Variants in USH2A observed in about 807,000 individuals in gnomAD.
USH2A encodes the protein usherin.
In USH2A, 443 loss-of-function variants were observed where a neutral mutation model predicts 538.9. The ratio of observed to expected loss-of-function variants is 0.82; its 90% CI spans 0.76 to 0.89. The LOEUF (loss-of-function observed/expected upper bound fraction) is 0.89, where lower values mean the gene tolerates loss of function less well. Ranked by LOEUF, USH2A falls within the 40% of genes least tolerant of loss-of-function variation. The probability of loss-of-function intolerance (pLI) is 0.00; values close to 1 mark genes in which losing one functional copy is unlikely to be tolerated. For synonymous variants in USH2A, 2,413 were observed against 2,273.5 expected (o/e 1.06, Z -1.75); for missense variants, 6,633 against 6,324.8 (o/e 1.05, Z -1.65).
At chr1:216,161,188 A>G (rs1000063181) in intron 21 of USH2A, among the ~76,000 whole-genome samples, 10 of 152,210 alleles carry the variant, frequency 6.6e-5, no homozygotes, top group Admixed American at 5.9e-4. Context: ...TAATGCAACT[A>G]CTGATATAGT....
At chr1:216,138,187 T>C (rs907632158) in intron 21 of USH2A, among the ~76,000 whole-genome samples, 1 of 152,124 alleles carries the variant, frequency 6.6e-6, no homozygotes, top group African/African-American at 2.4e-5. Context: ...GATAGACACA[T>C]CACTAATCTT....
rs576845275 is a variant in USH2A, at chr1:215,778,564, A to G, written c.10939+1279T>C. On this transcript the variant is annotated intron_variant, in intron 55 of 71. Transcript: ENST00000307340. The stretch of plus-strand genomic sequence containing the variant: ...TATTTTGCCACCCTGTGTAAGTGTA[A>G]CCTGTGTCCCTTCTTAGGAAAAATC... Among the ~76,000 whole-genome samples, 16 of 152,258 alleles carry G rather than the reference A, an allele frequency of 1.1e-4. No individual in the cohort carries two copies. In the South Asian group the frequency reaches 2.5e-3, roughly 24 times the overall value.
At chr1:216,335,382 A>G (rs1463312174) in intron 4 of USH2A, among the ~76,000 whole-genome samples, 1 of 151,558 alleles carries the variant, frequency 6.6e-6, no homozygotes, top group Admixed American at 6.6e-5. Flanking sequence ...AAGAAACTAG[A>G]AAAAGAAAAA....
chr1:216,080,237 A>G (rs2031894197), intron 26 of USH2A, among the ~76,000 whole-genome samples: 3 of 152,182 alleles, frequency 2.0e-5, no homozygotes. Context: ...TAGTGTCCTC[A>G]GCAAGACCAA....
At chr1:216,364,746 T>A (rs1157645513) in intron 4 of USH2A, among the ~76,000 whole-genome samples, 1 of 152,170 alleles carries the variant, frequency 6.6e-6, no homozygotes, top group Non-Finnish European at 1.5e-5. Flanking sequence ...CCAACACCAC[T>A]GAACCCTTAA....
intron 3 of USH2A, among the ~76,000 whole-genome samples, chr1:216,415,508 C>CTTTTTTTTTTTTTTTTTTTT (rs71161423): frequency 1.0e-5 from 1 of 96,908 alleles, no homozygotes; most frequent in African/African-American, 3.9e-5. Flanking sequence ...CTTCCTGTCA[C>CTTTTTTTTTTTTTTTTTTTT]TTTTTTTTTT....
chr1:216,376,833 G>A (rs1439471997), intron 3 of USH2A, among the ~76,000 whole-genome samples: 1 of 152,078 alleles, frequency 6.6e-6, no homozygotes, highest in Non-Finnish European at 1.5e-5. Context: ...ATCCTAAACA[G>A]TAATTTGTAA....
rs1571932866 is a variant in USH2A, at chr1:216,069,950, T to C, written c.6049+151A>G. 5 of 886,130 alleles carry C rather than the reference T, an allele frequency of 5.6e-6. No homozygotes were observed. In the East Asian group the frequency reaches 1.3e-4, roughly 24 times the overall value. 54.9% of individuals were successfully genotyped at this position (886,130 alleles called of 1,614,324 possible). Reference sequence around the variant, plus strand: ...TTTTTATCCTAGGTAGATGCAGGCTTCCACTACTTTAGATGGGTGTTGTTT... The same window carrying C: ...TTTTTATCCTAGGTAGATGCAGGCTCCCACTACTTTAGATGGGTGTTGTTT... On this transcript the variant is annotated intron_variant, in intron 30 of 71. Transcript: ENST00000307340.
At chr1:216,005,570 AT>A (rs946964924) in intron 32 of USH2A, among the ~76,000 whole-genome samples, 7 of 151,116 alleles carry the variant, frequency 4.6e-5, no homozygotes, top group African/African-American at 1.7e-4. Context: ...CCAGGCTGCC[AT>A]TTTTTTTTCT....
At chr1:215,810,998 A>G (rs1201993148) in intron 49 of USH2A, among the ~76,000 whole-genome samples, 4 of 152,216 alleles carry the variant, frequency 2.6e-5, no homozygotes, top group Admixed American at 6.5e-5. Context: ...AAACTTGAGC[A>G]GTATTTAATC....
chr1:215,998,830 G>A (rs1232808973), intron 34 of USH2A, 57 bp downstream of exon 34: 3 of 1,574,950 alleles, frequency 1.9e-6, no homozygotes, highest in Non-Finnish European at 2.6e-6. Context: ...TGGACCACGG[G>A]AAGGGGAGAA....
chr1:216,378,608 C>T (rs2038878186), intron 3 of USH2A, among the ~76,000 whole-genome samples: 1 of 152,110 alleles, frequency 6.6e-6, no homozygotes, highest in Non-Finnish European at 1.5e-5. Flanking sequence ...TAATCACTCA[C>T]AAACTTTGTT....
At chr1:216,396,519 A>G (rs116346766) in intron 3 of USH2A, among the ~76,000 whole-genome samples, 1,524 of 152,292 alleles carry the variant, frequency 0.01, 38 homozygotes, top group African/African-American at 0.035. Context: ...ATAAGCTTAC[A>G]CTAATTAATA....
intron 60 of USH2A, among the ~76,000 whole-genome samples, chr1:215,730,387 C>T (rs141007486): frequency 7.6e-4 from 116 of 152,300 alleles, no homozygotes; most frequent in African/African-American, 2.6e-3. Context: ...TCTCCATCAG[C>T]TCTTATTTCC....
chr1:215,647,134 A>G (rs1003274547), intron 67 of USH2A, among the ~76,000 whole-genome samples: 1 of 152,182 alleles, frequency 6.6e-6, no homozygotes, highest in Non-Finnish European at 1.5e-5. Context: ...TGCTTTTCCT[A>G]ATAGTGCTAT....
chr1:215,987,022 T>A (rs1485796535), intron 35 of USH2A, among the ~76,000 whole-genome samples: 1 of 152,166 alleles, frequency 6.6e-6, no homozygotes, highest in East Asian at 1.9e-4. Context: ...AAGATAAACA[T>A]TTTATATTCT....
chr1:216,078,513 C>T (rs1440838151), intron 26 of USH2A, 151 bp from the exon 27 acceptor site: 11 of 731,080 alleles, frequency 1.5e-5, no homozygotes, highest in Admixed American at 1.2e-4. Flanking sequence ...TAAGTTTCTG[C>T]TTAGGAACAT....
At chr1:216,236,085 C>A (rs1034041420) in intron 13 of USH2A, among the ~76,000 whole-genome samples, 1 of 152,058 alleles carries the variant, frequency 6.6e-6, no homozygotes, top group South Asian at 2.1e-4. Flanking sequence ...TACTTCTAGA[C>A]TTGATCAAGT....
Position 216,224,374 on chromosome 1 carries a change from T to A in USH2A, c.2994-6824A>T, listed in dbSNP as rs552162278. The stretch of plus-strand genomic sequence containing the variant: ...GTTTTTGGGTTAGACAAACACTATA[T>A]ACTTTTTTGCATTATTGATTTTTCA... On this transcript the variant is annotated intron_variant, in intron 14 of 71. Coordinates refer to ENST00000307340, the MANE Select transcript of USH2A (RefSeq NM_206933.4). 2.6e-5 allele frequency among the ~76,000 whole-genome samples: 4 copies of A among 152,362 alleles called. No homozygotes were observed. The South Asian group carries it at 8.3e-4, about 32-fold the overall frequency.
Sources: allele counts gnomAD v4.1 joint callset (sites outside exome capture counted in the v4.1 genomes callset), GRCh38; gene constraint gnomAD v4.1.1; transcripts MANE v1.5; gene names NCBI Gene and HGNC (gene_info 2026-07-23, HGNC 2026-07-21).